Variants in CDH8 observed in about 807,000 individuals in gnomAD.
CDH8 encodes cadherin 8, also known as cadherin-8.
Under a neutral mutation model 68.1 loss-of-function variants are expected in CDH8, and 17 were observed. The observed-to-expected ratio is 0.25, with a 90% CI of 0.17 to 0.37. CDH8 has a LOEUF of 0.37. Among genes scored for constraint, CDH8 ranks in the 10% least tolerant of loss-of-function variants. The pLI, the probability that CDH8 is intolerant of heterozygous loss-of-function variation, is 1.00. For missense variants in CDH8, 763 were observed against 999.3 expected (o/e 0.76, Z 3.19); for synonymous variants, 372 against 365.1 (o/e 1.02, Z -0.21).
rs372698554 is a variant in CDH8, at chr16:61,902,909, C to T, written c.253-1436G>A. 9.1e-4 allele frequency among the ~76,000 whole-genome samples: 139 copies of T among 152,158 alleles called. 1 individual carries two copies. The highest frequency in any genetic ancestry group is 3.3e-3 in the African/African-American group (136 of 41,534). ...ATTAACATGAACAAATATTGAAATG[C>T]CACTTTATCTTAATGAATGTGGGAT... is the stretch of plus-strand genomic sequence containing the variant. On this transcript the variant is annotated intron_variant, in intron 2 of 11. Coordinates refer to ENST00000577390, the MANE Select transcript of CDH8 (RefSeq NM_001796.5).
At chr16:61,739,884 C>CATAT (rs35095367) in intron 8 of CDH8, among the ~76,000 whole-genome samples, 3,308 of 101,312 alleles carry the variant, frequency 0.033, 101 homozygotes, top group East Asian at 0.079. Flanking sequence ...CAACATATTC[C>CATAT]ATATATATAT....
chr16:61,664,256 G>A (rs1963624779), intron 10 of CDH8, among the ~76,000 whole-genome samples: 1 of 151,800 alleles, frequency 6.6e-6, no homozygotes. Context: ...AGATAAATGA[G>A]TTACATGATG....
chr16:61,848,396 G>A lies in CDH8; in HGVS notation c.667+8723C>T, dbSNP rs185604550. 2.7e-3 allele frequency among the ~76,000 whole-genome samples: 407 copies of A among 152,152 alleles called. 1 individual carries two copies. Among genetic ancestry groups the A allele is most frequent in the Admixed American group, 5.8e-3 (89 of 15,256 alleles). On this transcript the variant is annotated intron_variant, in intron 4 of 11. Coordinates refer to ENST00000577390, the MANE Select transcript of CDH8 (RefSeq NM_001796.5). ...TTGACTCTAGCTATGGTCAACACTGGAAAGCTCCTTGTGAACTTCAAAAAT... is the reference window on the plus strand; with the variant it reads ...TTGACTCTAGCTATGGTCAACACTGAAAAGCTCCTTGTGAACTTCAAAAAT...
At chr16:61,740,688 A>G (rs1303693739) in intron 8 of CDH8, among the ~76,000 whole-genome samples, 2 of 152,302 alleles carry the variant, frequency 1.3e-5, no homozygotes, top group East Asian at 1.9e-4. Flanking sequence ...GTTCAATGTA[A>G]TATTTTTTCA....
At chr16:61,999,646 T>A (rs1004310230) in intron 2 of CDH8, among the ~76,000 whole-genome samples, 2 of 152,150 alleles carry the variant, frequency 1.3e-5, no homozygotes, top group African/African-American at 4.8e-5. Flanking sequence ...AAGTGCCAGG[T>A]AGTGATTATG....
intron 4 of CDH8, among the ~76,000 whole-genome samples, chr16:61,828,649 T>C (rs982203954): frequency 6.6e-6 from 1 of 151,908 alleles, no homozygotes; most frequent in African/African-American, 2.4e-5. Flanking sequence ...AAGTGGACCC[T>C]CATAGGTTAA....
intron 2 of CDH8, among the ~76,000 whole-genome samples, chr16:62,002,802 C>T (rs1965913326): frequency 6.6e-6 from 1 of 152,066 alleles, no homozygotes; most frequent in South Asian, 2.1e-4. Flanking sequence ...GCCTGTAATC[C>T]CAGCACTTTG....
intron 2 of CDH8, among the ~76,000 whole-genome samples, chr16:61,938,639 G>A (rs2062812476): frequency 6.6e-6 from 1 of 152,180 alleles, no homozygotes; most frequent in Non-Finnish European, 1.5e-5. Flanking sequence ...CATCTGCCTG[G>A]TAACCTCTGG....
intron 2 of CDH8, among the ~76,000 whole-genome samples, chr16:62,012,819 G>A (rs1302221097): frequency 6.6e-6 from 1 of 151,838 alleles, no homozygotes; most frequent in African/African-American, 2.4e-5. Flanking sequence ...TTTTTAAGGT[G>A]GGTTACCTGG....
intron 9 of CDH8, among the ~76,000 whole-genome samples, chr16:61,719,963 T>C (rs1302773120): frequency 6.7e-6 from 1 of 149,384 alleles, no homozygotes; most frequent in African/African-American, 2.5e-5. Flanking sequence ...TTTAATTTTG[T>C]CTAATTTAAT....
At chr16:61,919,107 G>C (rs936551252) in intron 2 of CDH8, among the ~76,000 whole-genome samples, 3 of 145,722 alleles carry the variant, frequency 2.1e-5, no homozygotes, top group Admixed American at 1.4e-4. Flanking sequence ...TGAGGGTCCT[G>C]TCTGTTAGAA....
In CDH8 at chr16:61,875,441, C is replaced by A. The variant is rs536359897; in HGVS notation, c.548-18203G>T. On this transcript the variant is annotated intron_variant, in intron 3 of 11. Coordinates refer to ENST00000577390, the MANE Select transcript of CDH8 (RefSeq NM_001796.5). ...ACTTTAACTGATCCTCCGTGTAATT[C>A]AGACATACACTCAAGTTGAAGAACC... is the stretch of plus-strand genomic sequence containing the variant. 1.2e-4 allele frequency among the ~76,000 whole-genome samples: 18 copies of A among 152,264 alleles called. No individual in the cohort carries two copies. In the South Asian group the frequency reaches 3.7e-3, roughly 32 times the overall value.
At chr16:61,761,383 A>T (rs1210844123) in intron 8 of CDH8, among the ~76,000 whole-genome samples, 1 of 152,146 alleles carries the variant, frequency 6.6e-6, no homozygotes, top group Non-Finnish European at 1.5e-5. Flanking sequence ...CATTTCCCAG[A>T]AGATTTCTGG....
At chr16:61,888,954 T>A (rs1963726428) in intron 3 of CDH8, among the ~76,000 whole-genome samples, 1 of 152,312 alleles carries the variant, frequency 6.6e-6, no homozygotes, top group African/African-American at 2.4e-5. Flanking sequence ...AGAAGACTCC[T>A]TGAGTCATGC....
At chr16:61,659,433 C>T (rs1011327547) in intron 10 of CDH8, among the ~76,000 whole-genome samples, 1 of 152,122 alleles carries the variant, frequency 6.6e-6, no homozygotes, top group South Asian at 2.1e-4. Context: ...GGACGATTTT[C>T]TGGGGGAAAG....
At chr16:61,995,086 C>A (rs1249669230) in intron 2 of CDH8, among the ~76,000 whole-genome samples, 1 of 152,102 alleles carries the variant, frequency 6.6e-6, no homozygotes, top group East Asian at 1.9e-4. Flanking sequence ...TTGTTCCTAG[C>A]CAAGGTACTC....
chr16:61,979,363 A>C (rs2150581623), intron 2 of CDH8, among the ~76,000 whole-genome samples: 1 of 152,300 alleles, frequency 6.6e-6, no homozygotes, highest in African/African-American at 2.4e-5. Context: ...TGATTAATAA[A>C]ATAAAAAACT....
intron 9 of CDH8, among the ~76,000 whole-genome samples, chr16:61,716,462 G>A (rs1964732378): frequency 6.6e-6 from 1 of 151,614 alleles, no homozygotes; most frequent in Admixed American, 6.6e-5. Context: ...AATTTATTGA[G>A]CCACTGGAAC....
At chr16:61,953,921 A>G (rs986198433) in intron 2 of CDH8, among the ~76,000 whole-genome samples, 1 of 143,460 alleles carries the variant, frequency 7.0e-6, no homozygotes, top group African/African-American at 2.6e-5. Context: ...ATATATATAT[A>G]TATATAAAAT....
Sources: allele counts gnomAD v4.1 joint callset (sites outside exome capture counted in the v4.1 genomes callset), GRCh38; gene constraint gnomAD v4.1.1; transcripts MANE v1.5; gene names NCBI Gene and HGNC (gene_info 2026-07-23, HGNC 2026-07-21).